Variants in ANKMY1 observed in about 807,000 individuals in gnomAD.
ANKMY1 encodes ankyrin repeat and MYND domain-containing protein 1.
ANKMY1 carries 98 observed loss-of-function variants against 102.0 expected under a neutral mutation model. The observed-to-expected ratio is 0.96, with a 90% confidence interval of 0.82 to 1.14. ANKMY1 has a LOEUF of 1.14. Ranked by LOEUF, ANKMY1 falls within the 50% of genes most tolerant of loss-of-function variation. The pLI, the probability that ANKMY1 is intolerant of heterozygous loss-of-function variation, is 0.00. For missense variants in ANKMY1, 1,330 were observed against 1,347.6 expected, an observed-to-expected ratio of 0.99 and a Z score of 0.20; for synonymous variants, 582 against 559.9, an observed-to-expected ratio of 1.04 and a Z score of -0.56.
the ANKMY1 span, among the ~76,000 whole-genome samples, chr2:240,473,415 C>T: frequency 3.4e-5 from 5 of 146,022 alleles, no homozygotes; most frequent in Admixed American, 3.4e-4. Flanking sequence ...TCAACAGACT[C>T]GATCATACAG....
At chr2:240,521,624 A>G (rs533091977) in intron 8 of ANKMY1, among the ~76,000 whole-genome samples, 19 of 141,568 alleles carry the variant, frequency 1.3e-4, no homozygotes, top group South Asian at 2.3e-4. Flanking sequence ...TCAGCCTCCC[A>G]AGTAGCCGGG....
the ANKMY1 span, among the ~76,000 whole-genome samples, chr2:240,469,757 T>C: frequency 1.3e-5 from 2 of 150,966 alleles, no homozygotes; most frequent in African/African-American, 4.9e-5. Flanking sequence ...CTTCTGCACA[T>C]GCACGTCCTC....
chr2:240,507,475 A>C, intron 13 of ANKMY1, 85 bp downstream of exon 13: 1 of 1,287,102 alleles, frequency 7.8e-7, no homozygotes, highest in Non-Finnish European at 1.0e-6. Flanking sequence ...CATCAGGGCC[A>C]CCCAGCCCTC....
At chr2:240,516,499 A>G (rs1052456938) in intron 9 of ANKMY1, among the ~76,000 whole-genome samples, 2 of 152,230 alleles carry the variant, frequency 1.3e-5, no homozygotes, top group African/African-American at 4.8e-5. Flanking sequence ...TGAAATTCTG[A>G]TCTGTCTTAA....
chr2:240,512,798 A>G lies in ANKMY1; in HGVS notation c.2145+4T>C. On this transcript the variant is annotated splice_donor_region_variant and intron_variant, in intron 10 of 17. Transcript: ENST00000401804. ...TACCCCTATCCAGGTCGCGAGGTAC[A>G]CACCTTGCCGGGCTTGTAAGTGTCG... is the stretch of plus-strand genomic sequence containing the variant. The G allele has an allele frequency of 6.2e-7, 1 of 1,613,370 alleles. No homozygotes were observed. The highest frequency in any genetic ancestry group is 8.5e-7 in the Non-Finnish European group (1 of 1,179,694).
rs376938037 is a variant in ANKMY1, at chr2:240,506,087, C to T, written c.2526+1473G>A. Among the ~76,000 whole-genome samples the T allele has an allele frequency of 1.6e-4, 24 of 151,986 alleles. No homozygotes were observed. The South Asian group carries it at 4.2e-3, about 26-fold the overall frequency. Reference sequence around the variant, plus strand: ...TGCTGGGGAGCCCCCTAACCCTGGACGAGGTGCTGGGGAGCCCCCAACCCT... The same window carrying T: ...TGCTGGGGAGCCCCCTAACCCTGGATGAGGTGCTGGGGAGCCCCCAACCCT... On this transcript the variant is annotated intron_variant, in intron 13 of 17. Transcript: ENST00000401804. The surrounding 1 kb of genome is among the most constrained non-coding windows in gnomAD (Gnocchi z 4.9).
At chr2:240,470,684 G>A in the ANKMY1 span, among the ~76,000 whole-genome samples, 10 of 152,168 alleles carry the variant, frequency 6.6e-5, no homozygotes, top group African/African-American at 2.2e-4. Flanking sequence ...CAGACCAAGC[G>A]TCCTGATGTG....
At chr2:240,494,419 C>T (rs918797121) in intron 15 of ANKMY1, among the ~76,000 whole-genome samples, 6 of 152,208 alleles carry the variant, frequency 3.9e-5, no homozygotes, top group African/African-American at 1.4e-4. Flanking sequence ...CCACTTACAT[C>T]CCTGTCTCAG....
At chr2:240,558,500 G>C (rs1354871594), upstream of ANKMY1, 1 of 152,490 alleles carries the variant, frequency 6.6e-6, no homozygotes, top group Non-Finnish European at 1.5e-5. Flanking sequence ...AGGACTGCAG[G>C]AGAGCGGATT....
chr2:240,516,746 T>C (rs964283367), intron 9 of ANKMY1, among the ~76,000 whole-genome samples: 1 of 152,218 alleles, frequency 6.6e-6, no homozygotes, highest in Non-Finnish European at 1.5e-5. Flanking sequence ...CTGATAACTT[T>C]GGAGATTGTG....
chr2:240,479,824 T>C (rs2075140445), intron 17 of ANKMY1, among the ~76,000 whole-genome samples, 169 bp from the exon 18 acceptor site: 1 of 152,116 alleles, frequency 6.6e-6, no homozygotes, highest in Non-Finnish European at 1.5e-5. Context: ...CTATCTGCCG[T>C]GACTCTTCAA....
Position 240,557,943 on chromosome 2 carries a change from G to T in ANKMY1, c.-80C>A. The T allele has an allele frequency of 1.0e-6, 1 of 985,644 alleles. No homozygotes were observed. The highest frequency in any genetic ancestry group is 1.7e-5 in the African/African-American group (1 of 57,372). 61.1% of individuals were successfully genotyped at this position (985,644 alleles called of 1,614,324 possible). On this transcript the variant is annotated 5_prime_UTR_variant, in exon 1 of 18. Transcript: ENST00000401804. ...AGACCGACGGGACTGCAGCCACCGC[G>T]GACGCCCGCGCTCCCGTCCCGACTG...
chr2:240,507,952 C>T, intron 12 of ANKMY1: 2 of 371,186 alleles, frequency 5.4e-6, no homozygotes, highest in Non-Finnish European at 9.7e-6. Flanking sequence ...GGGCCAGTTC[C>T]AGCACTTTCT....
At chr2:240,502,932 C>G (rs1481492993) in intron 13 of ANKMY1, among the ~76,000 whole-genome samples, 1 of 152,082 alleles carries the variant, frequency 6.6e-6, no homozygotes, top group Non-Finnish European at 1.5e-5. Flanking sequence ...CCTGCTGAGG[C>G]TCCCCAGGCA....
intron 4 of ANKMY1, among the ~76,000 whole-genome samples, chr2:240,542,714 T>TTA (rs1203967677): frequency 1.1e-5 from 1 of 94,662 alleles, no homozygotes; most frequent in African/African-American, 3.1e-5. Context: ...CTAGATATGT[T>TTA]TATATCTATA....
At chr2:240,521,403 C>T (rs577737035) in intron 8 of ANKMY1, among the ~76,000 whole-genome samples, 5 of 148,242 alleles carry the variant, frequency 3.4e-5, no homozygotes, top group African/African-American at 1.2e-4. Flanking sequence ...CAAAAACTGT[C>T]AAAACATGTC....
chr2:240,489,116 C>G (rs183209677), intron 15 of ANKMY1, among the ~76,000 whole-genome samples: 19 of 152,162 alleles, frequency 1.2e-4, no homozygotes, highest in African/African-American at 4.3e-4. Flanking sequence ...TCATATATAG[C>G]CTTTATTATT....
At chr2:240,496,250 T>G (rs1334315383) in intron 15 of ANKMY1, among the ~76,000 whole-genome samples, 1 of 152,200 alleles carries the variant, frequency 6.6e-6, no homozygotes, top group Non-Finnish European at 1.5e-5. Flanking sequence ...GCTTCCTAGA[T>G]AGATAAATTA....
intron 4 of ANKMY1, among the ~76,000 whole-genome samples, chr2:240,549,313 T>C (rs1226590689): frequency 1.9e-4 from 28 of 149,798 alleles, no homozygotes; most frequent in African/African-American, 5.8e-4. Context: ...GCTAGCCATA[T>C]GTAGAAAGCT....
Sources: gnomAD v4.1 joint callset for allele counts (sites outside exome capture counted in the v4.1 genomes callset) on GRCh38, gnomAD v4.1.1 for gene constraint, Gnocchi (gnomAD v3.1) non-coding constraint, MANE v1.5 for transcripts, NCBI Gene and HGNC (gene_info 2026-07-23, HGNC 2026-07-21) for gene names.